Variants in KIF27 observed in about 807,000 individuals in gnomAD.
KIF27 encodes kinesin family member 27.
A neutral mutation model predicts 141.8 loss-of-function variants in KIF27; 84 were observed. The ratio of observed to expected loss-of-function variants is 0.59; its 90% CI spans 0.50 to 0.71. KIF27 has a LOEUF of 0.71. Among genes scored for constraint, KIF27 ranks in the 30% least tolerant of loss-of-function variants. KIF27 has a pLI of 0.00. For missense variants in KIF27, 1,306 were observed against 1,628.4 expected (o/e 0.80, Z 3.41); for synonymous variants, 471 against 569.5 (o/e 0.83, Z 2.46).
rs375102982 is a variant in KIF27 at position 83,836,189 on chromosome 9, C to A, written c.*812G>T. Reference sequence around the variant, plus strand: ...TTGGCAAGACTTCAAGCTTTACAGACATACTCCATGTGACCAGAGATGTCA... The same window carrying A: ...TTGGCAAGACTTCAAGCTTTACAGAAATACTCCATGTGACCAGAGATGTCA... On this transcript the variant is annotated 3_prime_UTR_variant, in exon 18 of 18. Coordinates refer to ENST00000297814, the MANE Select transcript of KIF27 (RefSeq NM_017576.4). Among the ~76,000 whole-genome samples the A allele has an allele frequency of 4.6e-5, 7 of 152,272 alleles. No homozygotes were observed. Among genetic ancestry groups the A allele is most frequent in the Admixed American group, 1.3e-4 (2 of 15,296 alleles).
At chr9:83,897,074 T>C (rs976890084) in intron 5 of KIF27, among the ~76,000 whole-genome samples, 4 of 152,194 alleles carry the variant, frequency 2.6e-5, no homozygotes, top group Admixed American at 6.5e-5. Context: ...CTGCATTCTA[T>C]AGTATGTGAA....
chr9:83,919,992 G>C (rs1956097237), intron 1 of KIF27, among the ~76,000 whole-genome samples: 1 of 151,888 alleles, frequency 6.6e-6, no homozygotes, highest in Non-Finnish European at 1.5e-5. Flanking sequence ...AGCACTTTGG[G>C]AGGCCAAGGC....
intron 9 of KIF27, 86 bp downstream of exon 9, chr9:83,886,955 C>T (rs1169632968): frequency 7.0e-7 from 1 of 1,421,818 alleles, no homozygotes; most frequent in East Asian, 2.6e-5. Context: ...ACCTGAGCTT[C>T]AAAAACTAAA....
In KIF27 at chr9:83,910,247, G is replaced by A. The variant is rs149292292; in HGVS notation, c.299-1595C>T. On this transcript the variant is annotated intron_variant, in intron 2 of 17. Coordinates refer to ENST00000297814, the MANE Select transcript of KIF27 (RefSeq NM_017576.4). ...ATTCACTACTACTAGTGGGAGCCAC[G>A]TTATAAAAATGTTGGTGCTTTTAGA... Among the ~76,000 whole-genome samples, 255 of 152,098 alleles carry A rather than the reference G, an allele frequency of 1.7e-3. 1 individual carries two copies. The highest frequency in any genetic ancestry group is 5.9e-3 in the African/African-American group (246 of 41,490).
chr9:83,911,137 G>A (rs529896026), intron 2 of KIF27, among the ~76,000 whole-genome samples: 1 of 152,226 alleles, frequency 6.6e-6, no homozygotes, highest in Admixed American at 6.5e-5. Flanking sequence ...CACAATCATG[G>A]CTCACTACAG....
intron 14 of KIF27, among the ~76,000 whole-genome samples, chr9:83,857,141 G>C (rs935218801): frequency 1.0e-4 from 15 of 150,316 alleles, no homozygotes; most frequent in African/African-American, 9.8e-5. Flanking sequence ...TCTTCTATTA[G>C]TGTAACGATC....
At chr9:83,886,065 G>A (rs75622537) in intron 9 of KIF27, among the ~76,000 whole-genome samples, 4 of 149,980 alleles carry the variant, frequency 2.7e-5, no homozygotes, top group South Asian at 2.1e-4. Context: ...CTCCAGTTAT[G>A]CAGATGTTTA....
chr9:83,842,305 C>G lies in KIF27; in HGVS notation c.3653G>C (p.Arg1218Pro). ...KDLYFYKKTSRDHKKKLKELV... is the reference protein window; with the variant it reads ...KDLYFYKKTSPDHKKKLKELV... ...TTCCTTAAGTTTCTTCTTATGATCC[C>G]GGCTGGTTTTCTTATAGAAATAAAG... Residue 1218 changes from arginine to proline, a missense_variant, in exon 17 of 18, where the codon CGG becomes CCG. By Grantham distance (103) the Arg-to-Pro change is moderately radical. Coordinates refer to ENST00000297814, the MANE Select transcript of KIF27 (RefSeq NM_017576.4). The G allele has an allele frequency of 1.9e-6, 3 of 1,565,754 alleles. No homozygotes were observed. Among genetic ancestry groups the G allele is most frequent in the Non-Finnish European group, 2.6e-6 (3 of 1,163,894 alleles).
At chr9:83,916,662 CTT>C (rs34391682) in intron 1 of KIF27, among the ~76,000 whole-genome samples, 104 of 122,976 alleles carry the variant, frequency 8.5e-4, no homozygotes, top group African/African-American at 1.2e-3. Flanking sequence ...ACAATGAACA[CTT>C]TTTTTTTTTT....
chr9:83,852,505 C>T (rs1335539191), intron 15 of KIF27, among the ~76,000 whole-genome samples: 7 of 152,100 alleles, frequency 4.6e-5, no homozygotes, highest in African/African-American at 1.7e-4. Context: ...TCTTTCTACC[C>T]TCCAAACATG....
At chr9:83,865,546 C>G (rs2131971571) in intron 13 of KIF27, among the ~76,000 whole-genome samples, 1 of 152,246 alleles carries the variant, frequency 6.6e-6, no homozygotes, top group Non-Finnish European at 1.5e-5. Context: ...ATCTGCCCGC[C>G]TTGGCCTCCC....
chr9:83,868,422 G>A (rs1468094811), intron 12 of KIF27: 1 of 152,144 alleles, frequency 6.6e-6, no homozygotes, highest in African/African-American at 2.4e-5. Flanking sequence ...CACAGATGAT[G>A]GAGGATGGAA....
rs762527132 is a variant in KIF27 at position 83,915,469 on chromosome 9, T to A, written c.123A>T (p.Arg41Ser). The change falls in exon 2 of 18, where the codon AGA becomes AGT. Residue 41 changes from arginine to serine, a missense_variant. Physicochemically the swap from Arg to Ser is moderately radical, Grantham distance 110 (BLOSUM62 -1). Transcript: ENST00000297814. ...IPNSQQVIIGRDRVFTFDFVF... is the reference protein window; with the variant it reads ...IPNSQQVIIGSDRVFTFDFVF... ...CAAAATCAAAAGTGAAGACTCTATC[T>A]CTCCCAATGATAACTTGCTGGCTGT... The A allele has an allele frequency of 1.2e-5, 20 of 1,613,740 alleles. No individual in the cohort carries two copies. Among genetic ancestry groups the A allele is most frequent in the Non-Finnish European group, 1.7e-5 (20 of 1,179,834 alleles).
chr9:83,857,315 G>A (rs1949342852), intron 14 of KIF27, among the ~76,000 whole-genome samples: 1 of 152,186 alleles, frequency 6.6e-6, no homozygotes, highest in Admixed American at 6.5e-5. Context: ...AGAATCTCAT[G>A]TTCTCGATCA....
intron 14 of KIF27, among the ~76,000 whole-genome samples, chr9:83,857,752 T>C (rs1319624053): frequency 6.6e-6 from 1 of 152,194 alleles, no homozygotes; most frequent in East Asian, 1.9e-4. Flanking sequence ...TTTTTCATAA[T>C]CTAGCTCAAG....
At chr9:83,872,150 C>T (rs1200563487) in intron 11 of KIF27, among the ~76,000 whole-genome samples, 1 of 151,546 alleles carries the variant, frequency 6.6e-6, no homozygotes, top group African/African-American at 2.4e-5. Context: ...ATGGGGAAAC[C>T]CCGTCTCTAC....
chr9:83,916,225 G>A (rs1955664031), intron 1 of KIF27, among the ~76,000 whole-genome samples: 1 of 152,050 alleles, frequency 6.6e-6, no homozygotes, highest in Non-Finnish European at 1.5e-5. Context: ...TAGAGACAGG[G>A]TTTCACCATA....
At chr9:83,870,706 T>TA in intron 11 of KIF27, 74 bp from the exon 12 acceptor site, 11 of 1,476,064 alleles carry the variant, frequency 7.5e-6, no homozygotes, top group East Asian at 2.5e-5. Context: ...ACAATTATTT[T>TA]CTTTTTTTTT....
chr9:83,876,970 A>T (rs1951248961), intron 11 of KIF27, among the ~76,000 whole-genome samples: 1 of 152,138 alleles, frequency 6.6e-6, no homozygotes, highest in Non-Finnish European at 1.5e-5. Flanking sequence ...CCCACTGCTT[A>T]GGAGGCTAAG....
Sources: allele counts gnomAD v4.1 joint callset (sites outside exome capture counted in the v4.1 genomes callset), GRCh38; gene constraint gnomAD v4.1.1; transcripts MANE v1.5; gene names NCBI Gene and HGNC (gene_info 2026-07-23, HGNC 2026-07-21).